BAHCC1: variants seen among roughly 807,000 people sequenced by gnomAD.
BAHCC1 encodes BAH domain and coiled-coil containing 1, also known as BAH and coiled-coil domain-containing protein 1.
BAHCC1 carries 43 observed loss-of-function variants against 88.2 expected under a neutral mutation model. The observed-to-expected ratio is 0.49, with a 90% CI of 0.38 to 0.63. The LOEUF (loss-of-function observed/expected upper bound fraction) is 0.63. Ranked by LOEUF, BAHCC1 falls within the 20% of genes least tolerant of loss-of-function variation. The pLI is 0.00. For synonymous variants in BAHCC1, 1,510 were observed against 745.5 expected (o/e 2.03, Z -16.71); for missense variants, 3,023 against 1,654.8 (o/e 1.83, Z -14.34).
In BAHCC1 at chr17:81,461,509, G is replaced by A; in HGVS notation, c.6846G>A (p.Leu2282=). 2 of 741,696 alleles carry A rather than the reference G, an allele frequency of 2.7e-6. No homozygotes were observed. Among genetic ancestry groups the A allele is most frequent in the Admixed American group, 1.9e-5 (1 of 53,714 alleles). 45.9% of individuals were successfully genotyped at this position (741,696 alleles called of 1,614,324 possible). The change falls in exon 26 of 28, where the codon CTG becomes CTA. Residue 2282 remains leucine (L), a synonymous_variant. Transcript: ENST00000675386. ...RKYAGQAEFP[L]PYDSDCHSSF... ...ACGCGGGCCAGGCAGAGTTCCCGCT[G>A]CCCTACGACAGCGACTGCCACAGCT...
At chr17:81,419,729 A>G (rs2064091426) in intron 2 of BAHCC1, among the ~76,000 whole-genome samples, 1 of 142,266 alleles carries the variant, frequency 7.0e-6, no homozygotes, top group African/African-American at 2.7e-5. Flanking sequence ...AAGCAGCGGG[A>G]GCCGGGAGCC....
intron 2 of BAHCC1, among the ~76,000 whole-genome samples, chr17:81,416,612 G>A (rs556520461): frequency 7.1e-4 from 106 of 149,544 alleles, no homozygotes; most frequent in African/African-American, 1.6e-3. Flanking sequence ...GCGTATGTAC[G>A]TGTGTGTGTC....
Position 81,460,680 on chromosome 17 carries a change from A to G in BAHCC1, c.6176A>G (p.Lys2059Arg), listed in dbSNP as rs782003990. The G allele has an allele frequency of 2.6e-6, 2 of 773,358 alleles. No individual in the cohort carries two copies. The highest frequency in any genetic ancestry group is 1.7e-5 in the Admixed American group (1 of 57,888). 47.9% of individuals were successfully genotyped at this position (773,358 alleles called of 1,614,324 possible). A position where few individuals can be genotyped will look rare whatever the true frequency, so the allele number is the denominator to read the frequency against. Residue 2059 changes from lysine to arginine, a missense_variant, in exon 25 of 28, where the codon AAA (lysine) becomes AGA (arginine). By Grantham distance (26) the Lys-to-Arg change is conservative. Coordinates refer to ENST00000675386, the MANE Select transcript of BAHCC1 (RefSeq NM_001377448.1). Reference protein sequence around the residue: ...DGPEALKTPGKKSISKDKAGK... With the variant: ...DGPEALKTPGRKSISKDKAGK... ...CCCGAAGCTTTGAAGACACCTGGGAAAAAATCCATTAGCAAAGACAAAGCT... is the reference window on the plus strand; with the variant it reads ...CCCGAAGCTTTGAAGACACCTGGGAGAAAATCCATTAGCAAAGACAAAGCT...
At chr17:81,438,321 G>A (rs1555652008) in intron 3 of BAHCC1, 49 bp from the exon 4 acceptor site, 2 of 774,492 alleles carry the variant, frequency 2.6e-6, no homozygotes, top group South Asian at 1.4e-5. Flanking sequence ...GCGAGTGTGG[G>A]CCAGGGGGCT....
Position 81,461,535 on chromosome 17 carries a change from C to T in BAHCC1, c.6872C>T (p.Ser2291Phe). ...PLPYDSDCHS[S>F]FSDEDEDGPG... ...CCCTACGACAGCGACTGCCACAGCT[C>T]CTTCTCGGACGAGGACGAGGACGGG... The change falls in exon 26 of 28, where the codon TCC becomes TTC. Residue 2291 changes from serine to phenylalanine, a missense_variant. Coordinates refer to ENST00000675386, the MANE Select transcript of BAHCC1 (RefSeq NM_001377448.1). 1 of 733,710 alleles carries T rather than the reference C, an allele frequency of 1.4e-6. No homozygotes were observed. The highest frequency in any genetic ancestry group is 2.5e-6 in the Non-Finnish European group (1 of 394,204). The allele number at this position is 733,710 out of a possible 1,614,324, so 45.4% of individuals were successfully genotyped here.
At chr17:81,418,798 T>TGTGTGTGTGTGTGCGC (rs1555649114) in intron 2 of BAHCC1, among the ~76,000 whole-genome samples, 1 of 66,240 alleles carries the variant, frequency 1.5e-5, no homozygotes, top group African/African-American at 6.0e-5. Context: ...CGTGTGTGCG[T>TGTGTGTGTGTGTGCGC]GTGTGTGTGT....
intron 2 of BAHCC1, among the ~76,000 whole-genome samples, chr17:81,425,753 A>G (rs1445194148): frequency 1.9e-4 from 9 of 46,590 alleles, no homozygotes; most frequent in Admixed American, 1.5e-3. Flanking sequence ...GGTTGGTGTG[A>G]TGTGGTTGGT....
rs1555659170 is a variant in BAHCC1 at position 81,461,152 on chromosome 17, C to T, written c.6489C>T (p.Ser2163=). 1.3e-6 allele frequency: 1 copy of T among 759,976 alleles called. No homozygotes were observed. The highest frequency in any genetic ancestry group is 1.7e-5 in the African/African-American group (1 of 58,912). The allele number at this position is 759,976 out of a possible 1,614,324, so 47.1% of individuals were successfully genotyped here. Residue 2163 remains serine, a synonymous_variant, in exon 26 of 28, where the codon AGC becomes AGT. Coordinates refer to ENST00000675386, the MANE Select transcript of BAHCC1 (RefSeq NM_001377448.1). ...FRADSFSSLA[S]SYAPFVGGTG... is the part of the protein sequence containing the mutation. ...CCGACTCCTTCAGCAGCCTGGCCAG[C>T]TCCTACGCGCCCTTCGTCGGGGGGA... is the stretch of plus-strand genomic sequence containing the variant.
Position 81,452,113 on chromosome 17 carries a change from C to A in BAHCC1, c.4316+6C>A. 1 of 620,800 alleles carries A rather than the reference C, an allele frequency of 1.6e-6. No individual in the cohort carries two copies. Among genetic ancestry groups the A allele is most frequent in the Non-Finnish European group, 2.8e-6 (1 of 352,726 alleles). The allele number at this position is 620,800 out of a possible 1,614,324, so 38.5% of individuals were successfully genotyped here. A position where few individuals can be genotyped will look rare whatever the true frequency, so the allele number is the denominator to read the frequency against. The stretch of plus-strand genomic sequence containing the variant: ...CAGCGCAAGCACGACCATGAGTACG[C>A]CTGGCGTGGCGGGGGGGCCTGGGAG... On this transcript the variant is annotated splice_donor_region_variant and intron_variant, in intron 13 of 27. Coordinates refer to ENST00000675386, the MANE Select transcript of BAHCC1 (RefSeq NM_001377448.1).
At chr17:81,398,043 G>A (rs1312222421) in intron 1 of BAHCC1, among the ~76,000 whole-genome samples, 1 of 152,210 alleles carries the variant, frequency 6.6e-6, no homozygotes, top group East Asian at 1.9e-4. Flanking sequence ...TCAGTAGATG[G>A]AAAACATCTT....
At chr17:81,454,700 G>A (rs774378281) in intron 14 of BAHCC1, among the ~76,000 whole-genome samples, 1 of 152,160 alleles carries the variant, frequency 6.6e-6, no homozygotes, top group Non-Finnish European at 1.5e-5. Context: ...CTGAACACCC[G>A]CCAAGGGCCG....
At position 81,399,492 on chromosome 17, in the gene BAHCC1, GC is replaced by G; in HGVS notation, c.-206-36del. 3 of 249,336 alleles carry G rather than the reference GC, an allele frequency of 1.2e-5. No homozygotes were observed. The highest frequency in any genetic ancestry group is 6.3e-5 in the South Asian group (2 of 31,696). 15.4% of individuals were successfully genotyped at this position (249,336 alleles called of 1,614,324 possible). A position where few individuals can be genotyped will look rare whatever the true frequency, so the allele number is the denominator to read the frequency against. On this transcript the variant is annotated intron_variant, in intron 1 of 27. Coordinates refer to ENST00000675386, the MANE Select transcript of BAHCC1 (RefSeq NM_001377448.1). The surrounding 1 kb of genome is among the most constrained non-coding windows in gnomAD (Gnocchi z 4.5). ...GGGCGGGGACCCCCGGGCGAGCCGAGCCCCCCAGTCACCCGTGTCTCCTCTG... is the reference window on the plus strand; with the variant it reads ...GGGCGGGGACCCCCGGGCGAGCCGAGCCCCCAGTCACCCGTGTCTCCTCTG...
intron 16 of BAHCC1, 117 bp from the exon 17 acceptor site, chr17:81,457,293 G>A (rs1021592071): frequency 4.6e-4 from 298 of 646,822 alleles, no homozygotes; most frequent in Non-Finnish European, 4.5e-4. Context: ...AGAGGGTGAC[G>A]GTGACCAGCT....
intron 16 of BAHCC1, among the ~76,000 whole-genome samples, chr17:81,457,016 C>T (rs2064762358): frequency 6.6e-6 from 1 of 152,160 alleles, no homozygotes; most frequent in Non-Finnish European, 1.5e-5. Context: ...CTTCTGCCAG[C>T]CCCTTCCCCC....
At position 81,444,558 on chromosome 17, in the gene BAHCC1, G is replaced by T. The variant is rs781919297; in HGVS notation, c.2502G>T (p.Gly834=). 1.8e-5 allele frequency: 13 copies of T among 723,754 alleles called. No homozygotes were observed. Among genetic ancestry groups the T allele is most frequent in the East Asian group, 7.4e-5 (3 of 40,346 alleles). 44.8% of individuals were successfully genotyped at this position (723,754 alleles called of 1,614,324 possible). The change falls in exon 7 of 28, where the codon GGG becomes GGT. Residue 834 remains glycine, a synonymous_variant. Coordinates refer to ENST00000675386, the MANE Select transcript of BAHCC1 (RefSeq NM_001377448.1). ...GCAGCCCCTCCCTGTGGATGGGGGG[G>T]CACTCCTACGGTCAGTGATCCAAGG... ...RTRSPSLWMG[G]HSYGLGHPAL... is the part of the protein sequence containing the mutation.
At position 81,445,696 on chromosome 17, in the gene BAHCC1, C is replaced by T; in HGVS notation, c.3163+15C>T. The T allele has an allele frequency of 1.4e-6, 1 of 719,952 alleles. No individual in the cohort carries two copies. The highest frequency in any genetic ancestry group is 1.5e-5 in the South Asian group (1 of 67,570). The allele number at this position is 719,952 out of a possible 1,614,324, so 44.6% of individuals were successfully genotyped here. The stretch of plus-strand genomic sequence containing the variant: ...ATCCGAACCAGGTGAGAGTAGCCGC[C>T]TGGCCCGGCCCACTGTGCTCCGCTC... On this transcript the variant is annotated intron_variant, in intron 10 of 27. Transcript: ENST00000675386.
In BAHCC1 at chr17:81,443,570, G is replaced by T; in HGVS notation, c.2215+6G>T. On this transcript the variant is annotated splice_donor_region_variant and intron_variant, in intron 5 of 27. Coordinates refer to ENST00000675386, the MANE Select transcript of BAHCC1 (RefSeq NM_001377448.1). ...GGCCGCCCCCGCCTTCAAAGGTACAGGCCCTGCACAGAGAGGGAGGCAGGC... is the reference window on the plus strand; with the variant it reads ...GGCCGCCCCCGCCTTCAAAGGTACATGCCCTGCACAGAGAGGGAGGCAGGC... The T allele has an allele frequency of 1.6e-6, 1 of 629,196 alleles. No homozygotes were observed. Among genetic ancestry groups the T allele is most frequent in the Non-Finnish European group, 2.9e-6 (1 of 347,428 alleles). The allele number at this position is 629,196 out of a possible 1,614,324, so 39.0% of individuals were successfully genotyped here.
Position 81,452,065 on chromosome 17 carries a change from A to G in BAHCC1, c.4274A>G (p.Lys1425Arg), listed in dbSNP as rs1555655989. ...LAELQRRYKE[K>R]QRELARLQRK... ...GAGCTGCAGCGGCGCTACAAGGAGA[A>G]GCAGCGGGAGCTGGCCCGCCTGCAG... Residue 1425 changes from lysine to arginine, a missense_variant, in exon 13 of 28, where the codon AAG becomes AGG. Physicochemically the swap from Lys to Arg is conservative, Grantham distance 26. Transcript: ENST00000675386. 1.4e-5 allele frequency: 9 copies of G among 627,970 alleles called. No individual in the cohort carries two copies. The highest frequency in any genetic ancestry group is 2.0e-5 in the Non-Finnish European group (7 of 356,134). The allele number at this position is 627,970 out of a possible 1,614,324, so 38.9% of individuals were successfully genotyped here. A position where few individuals can be genotyped will look rare whatever the true frequency, so the allele number is the denominator to read the frequency against.
Position 81,458,340 on chromosome 17 carries a change from C to A in BAHCC1, c.5217C>A (p.Thr1739=). Residue 1739 remains threonine (T), a synonymous_variant, in exon 18 of 28, where the codon ACC becomes ACA. Transcript: ENST00000675386. ...GCCTGCGGGCAGAGCCGGGGGCCAC[C>A]CCCAGCAGGGACGCCCTCTTCAACC... ...KGSLRAEPGA[T]PSRDALFNPS... 1.4e-6 allele frequency: 1 copy of A among 736,910 alleles called. No individual in the cohort carries two copies. Among genetic ancestry groups the A allele is most frequent in the East Asian group, 2.6e-5 (1 of 38,914 alleles). The allele number at this position is 736,910 out of a possible 1,614,324, so 45.6% of individuals were successfully genotyped here.
Sources: gnomAD v4.1 joint callset for allele counts (sites outside exome capture counted in the v4.1 genomes callset) on GRCh38, gnomAD v4.1.1 for gene constraint, Gnocchi (gnomAD v3.1) non-coding constraint, MANE v1.5 for transcripts, NCBI Gene and HGNC (gene_info 2026-07-23, HGNC 2026-07-21) for gene names.